CBLC: variants seen among roughly 807,000 people sequenced by gnomAD.
CBLC encodes the protein E3 ubiquitin-protein ligase CBL-C.
In CBLC, 46 loss-of-function variants were observed where a neutral mutation model predicts 58.6. The observed-to-expected ratio is 0.79, with a 90% CI of 0.62 to 1.00. The LOEUF (loss-of-function observed/expected upper bound fraction) is 1.00, where lower values mean the gene tolerates loss of function less well. CBLC is among the 50% of genes least tolerant of loss of function. CBLC has a pLI of 0.00. For missense variants in CBLC, 655 were observed against 625.8 expected, an observed-to-expected ratio of 1.05 and a Z score of -0.50; for synonymous variants, 271 against 264.2, an observed-to-expected ratio of 1.03 and a Z score of -0.25.
Position 44,782,354 on chromosome 19 carries a change from C to T in CBLC, c.658-16C>T. The T allele has an allele frequency of 1.2e-6, 2 of 1,613,440 alleles. No homozygotes were observed. Among genetic ancestry groups the T allele is most frequent in the Non-Finnish European group, 1.7e-6 (2 of 1,179,604 alleles). On this transcript the variant is annotated splice_polypyrimidine_tract_variant and intron_variant, in intron 3 of 10. Coordinates refer to ENST00000647358, the MANE Select transcript of CBLC (RefSeq NM_012116.4). ...TTCCCTGGTCGCTCCCTGACCCAAG[C>T]CCTGCCCCACCCCAGCCATGGCCAA...
In CBLC at chr19:44,794,276, A is replaced by C; in HGVS notation, c.1357A>C (p.Lys453Gln). The change falls in exon 9 of 11, where the codon AAA becomes CAA. Residue 453 changes from lysine to glutamine, a missense_variant. Lys to Gln is a moderately conservative substitution (Grantham distance 53, BLOSUM62 1). Coordinates refer to ENST00000647358, the MANE Select transcript of CBLC (RefSeq NM_012116.4). ...CAGGAAGCCCAGAAATGCCCAGCCG[A>C]AAGTGGTGAGTCAGGCGCTGGTCTG... ...PPRKPRNAQP[K>Q]VRLLKGNSPP... is the part of the protein sequence containing the mutation. 1 of 1,612,750 alleles carries C rather than the reference A, an allele frequency of 6.2e-7. No individual in the cohort carries two copies. The highest frequency in any genetic ancestry group is 8.5e-7 in the Non-Finnish European group (1 of 1,179,452).
At chr19:44,786,453 G>T (rs1967910155) in intron 5 of CBLC, among the ~76,000 whole-genome samples, 1 of 151,324 alleles carries the variant, frequency 6.6e-6, no homozygotes, top group African/African-American at 2.4e-5. Context: ...AAATTAGCCG[G>T]GCGTGGTGGC....
At chr19:44,779,813 A>G (rs989574345) in intron 1 of CBLC, among the ~76,000 whole-genome samples, 51 of 152,218 alleles carry the variant, frequency 3.4e-4, no homozygotes, top group African/African-American at 1.2e-3. Context: ...TCAGCCTCCC[A>G]AAGTGCTGAG....
intron 6 of CBLC, among the ~76,000 whole-genome samples, chr19:44,791,009 G>A (rs1246888009): frequency 1.1e-4 from 17 of 151,898 alleles, no homozygotes; most frequent in Non-Finnish European, 1.3e-4. Context: ...AGGCACTTGA[G>A]TTGGGAGGCT....
chr19:44,786,907 C>T lies in CBLC; in HGVS notation c.917+2506C>T, dbSNP rs563776436. Among the ~76,000 whole-genome samples, 13 of 151,884 alleles carry T rather than the reference C, an allele frequency of 8.6e-5. No homozygotes were observed. The South Asian group carries it at 1.9e-3, about 22-fold the overall frequency. ...ATCACTTGAGATCAGGAGTTCGAGA[C>T]CAGCCTGGCCAACATGGTGAAACCT... is the stretch of plus-strand genomic sequence containing the variant. On this transcript the variant is annotated intron_variant, in intron 5 of 10. Coordinates refer to ENST00000647358, the MANE Select transcript of CBLC (RefSeq NM_012116.4).
rs1187731803 is a variant in CBLC at position 44,794,204 on chromosome 19, G to T, written c.1285G>T (p.Val429Leu). The change falls in exon 9 of 11, where the codon GTG becomes TTG. Residue 429 changes from valine (V) to leucine (L), a missense_variant and splice_region_variant. By Grantham distance (32) the Val-to-Leu change is conservative. Around this residue, in one of 3 missense-constraint regions of CBLC, gnomAD observed 371 missense variants for 370.8 expected, o/e 1.00. Transcript: ENST00000647358. ...QEGRELELGQ[V>L]PLSAPPLPPR... Reference sequence around the variant, plus strand: ...TTCTCCTTCCTCTGTCCCACCCCAGGTGCCCCTTTCGGCTCCTCCATTGCC... The same window carrying T: ...TTCTCCTTCCTCTGTCCCACCCCAGTTGCCCCTTTCGGCTCCTCCATTGCC... 2 of 1,608,530 alleles carry T rather than the reference G, an allele frequency of 1.2e-6. No individual in the cohort carries two copies. Among genetic ancestry groups the T allele is most frequent in the Non-Finnish European group, 1.7e-6 (2 of 1,177,772 alleles).
chr19:44,786,659 G>A (rs1425426355), intron 5 of CBLC, among the ~76,000 whole-genome samples: 2 of 151,818 alleles, frequency 1.3e-5, no homozygotes, highest in Admixed American at 1.3e-4. Flanking sequence ...TTGTTGGTTC[G>A]CTAACATTGA....
intron 3 of CBLC, among the ~76,000 whole-genome samples, chr19:44,781,843 T>C (rs145861575): frequency 0.01 from 1,123 of 106,978 alleles, 25 homozygotes; most frequent in Non-Finnish European, 0.016. Context: ...ACTCCAGGGT[T>C]TGAGGGAGGA....
chr19:44,793,115 G>A (rs1968095883), intron 7 of CBLC, among the ~76,000 whole-genome samples: 1 of 152,160 alleles, frequency 6.6e-6, no homozygotes, highest in South Asian at 2.1e-4. Context: ...TCGTGCCGCT[G>A]CACTCCAGCT....
intron 10 of CBLC, 49 bp from the exon 11 acceptor site, chr19:44,800,502 C>G: frequency 1.7e-6 from 2 of 1,204,214 alleles, no homozygotes; most frequent in Non-Finnish European, 2.4e-6. Flanking sequence ...CTCCACCCTC[C>G]TCCACCTGGA....
intron 3 of CBLC, among the ~76,000 whole-genome samples, chr19:44,781,954 T>C (rs1428630631): frequency 4.9e-5 from 6 of 121,470 alleles, no homozygotes; most frequent in Admixed American, 8.6e-5. Context: ...CTCCTGGGTC[T>C]GAGGGAGGAG....
At chr19:44,799,643 G>A (rs539753166) in intron 9 of CBLC, among the ~76,000 whole-genome samples, 17 of 150,710 alleles carry the variant, frequency 1.1e-4, no homozygotes, top group African/African-American at 3.0e-4. Context: ...CTGTTTTTTC[G>A]GTTTGTTGTT....
chr19:44,786,612 A>G (rs1458977350), intron 5 of CBLC, among the ~76,000 whole-genome samples: 1 of 152,000 alleles, frequency 6.6e-6, no homozygotes, highest in African/African-American at 2.4e-5. Context: ...AAAAAAAGAA[A>G]AAAAGAAAAA....
chr19:44,785,532 G>GTAGGTAGATAGA (rs1012939637), intron 5 of CBLC, among the ~76,000 whole-genome samples: 6 of 148,904 alleles, frequency 4.0e-5, no homozygotes, highest in African/African-American at 1.5e-4. Flanking sequence ...AGTCAGATAG[G>GTAGGTAGATAGA]TAGATAGATA....
intron 9 of CBLC, among the ~76,000 whole-genome samples, chr19:44,799,010 C>G (rs928750479): frequency 9.9e-5 from 15 of 152,168 alleles, no homozygotes; most frequent in Non-Finnish European, 1.2e-4. Flanking sequence ...GAGGCCTCCC[C>G]GGCATCTTCC....
chr19:44,780,875 G>A (rs750395712), intron 1 of CBLC, 30 bp from the exon 2 acceptor site: 8 of 1,604,504 alleles, frequency 5.0e-6, no homozygotes, highest in Middle Eastern at 1.7e-4. Context: ...GAGCCCCAAG[G>A]ATAGCCAGAG....
intron 9 of CBLC, among the ~76,000 whole-genome samples, chr19:44,799,835 G>A (rs755574626): frequency 6.0e-5 from 9 of 150,300 alleles, no homozygotes; most frequent in Non-Finnish European, 1.0e-4. Context: ...AAAGAAGAAA[G>A]AAAGAAAAGA....
At position 44,780,968 on chromosome 19, in the gene CBLC, C is replaced by G. The variant is rs981330867; in HGVS notation, c.417C>G (p.Phe139Leu). 5 of 1,613,542 alleles carry G rather than the reference C, an allele frequency of 3.1e-6. No homozygotes were observed. The highest frequency in any genetic ancestry group is 1.7e-5 in the Admixed American group (1 of 60,018). The change falls in exon 2 of 11, where the codon TTC becomes TTG. Residue 139 changes from phenylalanine to leucine, a missense_variant. Around this residue, in one of 3 missense-constraint regions of CBLC, gnomAD observed 280 missense variants for 237.2 expected, o/e 1.18. Transcript: ENST00000647358. ...SHMHAELHAL[F>L]PGGKYCGHMY... ...TGCACGCAGAGCTGCACGCACTCTT[C>G]CCCGGGGGAAAGTACTGTGGACACA...
intron 8 of CBLC, among the ~76,000 whole-genome samples, 154 bp downstream of exon 8, chr19:44,793,774 A>G (rs1043555930): frequency 5.6e-5 from 7 of 125,004 alleles, no homozygotes; most frequent in African/African-American, 2.4e-4. Flanking sequence ...CTCTGAGTCT[A>G]AGGGAGGAGG....
Sources: gnomAD v4.1 joint callset for allele counts (sites outside exome capture counted in the v4.1 genomes callset) on GRCh38, gnomAD v4.1.1 for gene constraint, gnomAD v4.1.1 regional missense constraint, MANE v1.5 for transcripts, NCBI Gene and HGNC (gene_info 2026-07-23, HGNC 2026-07-21) for gene names.